DEFB131A: variants seen among roughly 807,000 people sequenced by gnomAD.
DEFB131A encodes defensin beta 131A.
DEFB131A carries 5 observed loss-of-function variants against 2.4 expected under a neutral mutation model. That is an observed-to-expected ratio of 2.12 (90% CI 1.11 to 4.47). The LOEUF (loss-of-function observed/expected upper bound fraction) is 4.47. DEFB131A is among the 30% of genes most tolerant of loss of function. The pLI is 0.00. For synonymous variants in DEFB131A, 34 were observed against 25.7 expected, an observed-to-expected ratio of 1.32 and a Z score of -0.97; for missense variants, 120 against 79.9, an observed-to-expected ratio of 1.50 and a Z score of -1.91.
At chr4:9,445,263 A>C (rs1235958168) in intron 1 of DEFB131A, among the ~76,000 whole-genome samples, 1 of 152,092 alleles carries the variant, frequency 6.6e-6, no homozygotes, top group African/African-American at 2.4e-5. Flanking sequence ...TTCACAGGAT[A>C]AATTCACCAC....
chr4:9,450,587 A>G lies in DEFB131A; in HGVS notation c.*73A>G, dbSNP rs36094788. ...TAAACTCTCTTATCTATGAATAATTAACATGATAGATGAAAATTATTATAA... is the reference window on the plus strand; with the variant it reads ...TAAACTCTCTTATCTATGAATAATTGACATGATAGATGAAAATTATTATAA... On this transcript the variant is annotated 3_prime_UTR_variant, in exon 2 of 2. Transcript: ENST00000334879. The G allele has an allele frequency of 3.3e-3, 5,030 of 1,514,556 alleles. 30 individuals carry two copies. The highest frequency in any genetic ancestry group is 3.5e-3 in the Non-Finnish European group (3,971 of 1,121,152). 93.8% of individuals were successfully genotyped at this position (1,514,556 alleles called of 1,614,324 possible).
At chr4:9,449,122 CTT>C (rs1388685932) in intron 1 of DEFB131A, among the ~76,000 whole-genome samples, 1 of 150,966 alleles carries the variant, frequency 6.6e-6, no homozygotes, top group Non-Finnish European at 1.5e-5. Flanking sequence ...TAAGAATAAA[CTT>C]AACAAAAAGA....
intron 1 of DEFB131A, among the ~76,000 whole-genome samples, chr4:9,450,146 C>T (rs568830806): frequency 2.0e-5 from 3 of 152,130 alleles, no homozygotes; most frequent in African/African-American, 7.2e-5. Context: ...CTGTGCATTT[C>T]CAGCTACTGC....
At chr4:9,449,065 A>C (rs1240827344) in intron 1 of DEFB131A, among the ~76,000 whole-genome samples, 2 of 151,930 alleles carry the variant, frequency 1.3e-5, no homozygotes, top group Non-Finnish European at 2.9e-5. Context: ...ACTGGAAAGC[A>C]AGTAAAGAAA....
At position 9,450,600 on chromosome 4, in the gene DEFB131A, A is replaced by G. The variant is rs534007266; in HGVS notation, c.*86A>G. 339 of 1,486,070 alleles carry G rather than the reference A, an allele frequency of 2.3e-4. 2 individuals carry two copies. The South Asian group carries it at 2.8e-3, about 12-fold the overall frequency. 92.1% of individuals were successfully genotyped at this position (1,486,070 alleles called of 1,614,324 possible). A position where few individuals can be genotyped will look rare whatever the true frequency, so the allele number is the denominator to read the frequency against. On this transcript the variant is annotated 3_prime_UTR_variant, in exon 2 of 2. Coordinates refer to ENST00000334879, the MANE Select transcript of DEFB131A (RefSeq NM_001040448.3). Reference sequence around the variant, plus strand: ...CTATGAATAATTAACATGATAGATGAAAATTATTATAATTGCATGTTTAGA... The same window carrying G: ...CTATGAATAATTAACATGATAGATGGAAATTATTATAATTGCATGTTTAGA...
intron 1 of DEFB131A, among the ~76,000 whole-genome samples, chr4:9,446,385 G>A (rs371574278): frequency 6.6e-6 from 1 of 151,992 alleles, no homozygotes; most frequent in African/African-American, 2.4e-5. Flanking sequence ...TTAGCATATG[G>A]TTGTTTATAA....
At chr4:9,447,688 G>A (rs1717537287) in intron 1 of DEFB131A, among the ~76,000 whole-genome samples, 1 of 151,020 alleles carries the variant, frequency 6.6e-6, no homozygotes, top group Non-Finnish European at 1.5e-5. Context: ...CCATACCCTG[G>A]GAGTCTCATT....
At chr4:9,447,972 A>G (rs1160998706) in intron 1 of DEFB131A, among the ~76,000 whole-genome samples, 1 of 152,176 alleles carries the variant, frequency 6.6e-6, no homozygotes, top group Non-Finnish European at 1.5e-5. Context: ...AAAAGGAACA[A>G]TATATGTGTA....
At chr4:9,445,357 CTT>C (rs1717468492) in intron 1 of DEFB131A, among the ~76,000 whole-genome samples, 1 of 151,992 alleles carries the variant, frequency 6.6e-6, no homozygotes. Context: ...ATGGAAATTA[CTT>C]TTTGTATGGT....
intron 1 of DEFB131A, among the ~76,000 whole-genome samples, chr4:9,445,348 T>A (rs1226919052): frequency 6.6e-6 from 1 of 152,110 alleles, no homozygotes; most frequent in Non-Finnish European, 1.5e-5. Context: ...TTAATGTATA[T>A]GGAAATTACT....
intron 1 of DEFB131A, among the ~76,000 whole-genome samples, chr4:9,446,527 C>A (rs145680794): frequency 5.3e-5 from 8 of 151,970 alleles, no homozygotes; most frequent in South Asian, 4.1e-4. Context: ...GTCTGTTTAT[C>A]TCTTCCAAAA....
intron 1 of DEFB131A, 25 bp downstream of exon 1, chr4:9,444,616 A>T (rs780041551): frequency 1.9e-5 from 31 of 1,597,798 alleles, no homozygotes; most frequent in Non-Finnish European, 2.6e-5. Flanking sequence ...TTTTTATTCC[A>T]AAGTTCTAAA....
rs772393288 is a variant in DEFB131A, at chr4:9,444,630, A to G, written c.58+39A>G. The G allele has an allele frequency of 5.7e-6, 9 of 1,590,996 alleles. No individual in the cohort carries two copies. The East Asian group carries it at 1.1e-4, about 20-fold the overall frequency. ...TTTTTTATTCCAAAGTTCTAAAAAT[A>G]TAAGTAAAAGAAAATGCAAGGTCTT... On this transcript the variant is annotated intron_variant, in intron 1 of 1. Coordinates refer to ENST00000334879, the MANE Select transcript of DEFB131A (RefSeq NM_001040448.3).
At chr4:9,445,601 T>A (rs926364931) in intron 1 of DEFB131A, among the ~76,000 whole-genome samples, 11 of 151,828 alleles carry the variant, frequency 7.2e-5, no homozygotes, top group African/African-American at 2.6e-4. Context: ...CCCTCATTTA[T>A]ATAATACTTC....
chr4:9,444,471 G>A lies in DEFB131A; in HGVS notation c.-63G>A. ...AACTCACCTCTTCAGAGAACTGAAT[G>A]TACACAGAAGTCCTCTTCATCTCAG... On this transcript the variant is annotated 5_prime_UTR_variant, in exon 1 of 2. The change abolishes an upstream ATG in the 5' untranslated region. Transcript: ENST00000334879. The A allele has an allele frequency of 1.3e-6, 2 of 1,575,212 alleles. No individual in the cohort carries two copies. Among genetic ancestry groups the A allele is most frequent in the Non-Finnish European group, 8.7e-7 (1 of 1,154,210 alleles).
chr4:9,445,932 T>A (rs1288256828), intron 1 of DEFB131A, among the ~76,000 whole-genome samples: 2 of 152,174 alleles, frequency 1.3e-5, no homozygotes, highest in African/African-American at 4.8e-5. Context: ...TGATCCTTCA[T>A]GTCTGCCTTC....
chr4:9,447,447 A>T (rs984792372), intron 1 of DEFB131A, among the ~76,000 whole-genome samples: 1 of 152,170 alleles, frequency 6.6e-6, no homozygotes, highest in Admixed American at 6.5e-5. Context: ...GGTTATTATA[A>T]TAAAGTACCA....
At chr4:9,446,672 T>C (rs1560128333) in intron 1 of DEFB131A, among the ~76,000 whole-genome samples, 1 of 152,114 alleles carries the variant, frequency 6.6e-6, no homozygotes, top group Admixed American at 6.5e-5. Context: ...TTCCTTGAGG[T>C]GCATAGTAGC....
chr4:9,446,775 T>C (rs186917912), intron 1 of DEFB131A, among the ~76,000 whole-genome samples: 1 of 152,290 alleles, frequency 6.6e-6, no homozygotes, highest in East Asian at 1.9e-4. Flanking sequence ...TAGGTTTTGG[T>C]ATGTTGTGTT....
Sources: gnomAD v4.1 joint callset for allele counts (sites outside exome capture counted in the v4.1 genomes callset) on GRCh38, gnomAD v4.1.1 for gene constraint, MANE v1.5 for transcripts, NCBI Gene and HGNC (gene_info 2026-07-23, HGNC 2026-07-21) for gene names.